The following DLEU7 variants were observed in gnomAD, a reference collection of about 807,000 sequenced individuals.
The protein encoded by DLEU7 is deleted in lymphocytic leukemia 7, also known as leukemia-associated protein 7.
In DLEU7, 17 loss-of-function variants were observed where a neutral mutation model predicts 16.0. The ratio of observed to expected loss-of-function variants is 1.06; its 90% CI spans 0.73 to 1.59. The LOEUF is 1.59. DLEU7 is among the 40% of genes most tolerant of loss of function. The probability of loss-of-function intolerance (pLI) is 0.00; values close to 1 mark genes in which losing one functional copy is unlikely to be tolerated. For synonymous variants in DLEU7, 113 were observed against 139.8 expected (o/e 0.81, Z 1.35); for missense variants, 308 against 314.9 (o/e 0.98, Z 0.17).
chr13:50,717,504 G>A (rs546931293), intron 1 of DLEU7, among the ~76,000 whole-genome samples: 17 of 151,918 alleles, frequency 1.1e-4, no homozygotes, highest in African/African-American at 3.9e-4. Flanking sequence ...TTGCAAACTG[G>A]AGTTATTCTG....
chr13:50,761,466 GA>G (rs1566242131), intron 1 of DLEU7, among the ~76,000 whole-genome samples: 1 of 152,130 alleles, frequency 6.6e-6, no homozygotes, highest in Non-Finnish European at 1.5e-5. Flanking sequence ...TTGGGGCAAG[GA>G]CATGTGGGAT....
At chr13:50,714,444 A>G (rs1566226554) in intron 1 of DLEU7, among the ~76,000 whole-genome samples, 1 of 152,222 alleles carries the variant, frequency 6.6e-6, no homozygotes, top group Admixed American at 6.5e-5. Flanking sequence ...AATACCTTTA[A>G]GTAACAGGAT....
chr13:50,742,106 T>A (rs1462024631), intron 1 of DLEU7, among the ~76,000 whole-genome samples: 1 of 152,124 alleles, frequency 6.6e-6, no homozygotes, highest in Non-Finnish European at 1.5e-5. Context: ...CTAATATTAC[T>A]TAAAATTGCT....
intron 1 of DLEU7, among the ~76,000 whole-genome samples, chr13:50,724,238 T>A (rs1873703275): frequency 6.6e-6 from 1 of 152,210 alleles, no homozygotes; most frequent in South Asian, 2.1e-4. Flanking sequence ...ATAGTTGCTA[T>A]CACTCTCCTC....
intron 1 of DLEU7, among the ~76,000 whole-genome samples, chr13:50,718,725 G>C (rs1425154423): frequency 3.9e-5 from 6 of 152,164 alleles, no homozygotes; most frequent in African/African-American, 1.4e-4. Context: ...CTTTTGATCA[G>C]TGTCAGATAA....
At chr13:50,745,287 G>A (rs1204963592) in intron 1 of DLEU7, among the ~76,000 whole-genome samples, 1 of 152,198 alleles carries the variant, frequency 6.6e-6, no homozygotes, top group Non-Finnish European at 1.5e-5. Context: ...AGGACATTAT[G>A]TTAAGTGAAA....
chr13:50,797,408 A>C (rs183260973), intron 1 of DLEU7, among the ~76,000 whole-genome samples: 1 of 152,310 alleles, frequency 6.6e-6, no homozygotes, highest in Non-Finnish European at 1.5e-5. Context: ...CAGACACGGG[A>C]GCCTTCTATT....
chr13:50,719,046 A>G (rs1442258076), intron 1 of DLEU7, among the ~76,000 whole-genome samples: 2 of 152,234 alleles, frequency 1.3e-5, no homozygotes, highest in Middle Eastern at 3.2e-3. Flanking sequence ...TCCCACTTGG[A>G]AACAAACTGG....
At position 50,779,752 on chromosome 13, in the gene DLEU7, G is replaced by A. The variant is rs145869575; in HGVS notation, c.459+63436C>T. Reference sequence around the variant, plus strand: ...GGGAAATGTAACTTTTTAGAAAACGGAAGCAGGCATATAGACTCTGCCACC... The same window carrying A: ...GGGAAATGTAACTTTTTAGAAAACGAAAGCAGGCATATAGACTCTGCCACC... On this transcript the variant is annotated intron_variant, in intron 1 of 1. Transcript: ENST00000400393. Among the ~76,000 whole-genome samples the A allele has an allele frequency of 1.3e-3, 202 of 152,272 alleles. 2 individuals are homozygous for A. The highest frequency in any genetic ancestry group is 8.9e-3 in the East Asian group (46 of 5,182).
intron 1 of DLEU7, among the ~76,000 whole-genome samples, chr13:50,769,242 G>C (rs1875221578): frequency 6.6e-6 from 1 of 152,184 alleles, no homozygotes; most frequent in South Asian, 2.1e-4. Flanking sequence ...TAGGTTGCCT[G>C]TTCACTCTGA....
chr13:50,790,467 C>T (rs973190158), intron 1 of DLEU7, among the ~76,000 whole-genome samples: 5 of 128,060 alleles, frequency 3.9e-5, no homozygotes, highest in African/African-American at 8.9e-5. Context: ...TAACACTCTC[C>T]GTTTAAGGAG....
In DLEU7 at chr13:50,843,457, C is replaced by G. The variant is rs1877751996; in HGVS notation, c.190G>C (p.Gly64Arg). 1 of 1,322,610 alleles carries G rather than the reference C, an allele frequency of 7.6e-7. No individual in the cohort carries two copies. The highest frequency in any genetic ancestry group is 9.6e-7 in the Non-Finnish European group (1 of 1,043,608). The allele number at this position is 1,322,610 out of a possible 1,614,324, so 81.9% of individuals were successfully genotyped here. Residue 64 changes from glycine (G) to arginine (R), a missense_variant, in exon 1 of 2, where the codon GGG (glycine) becomes CGG (arginine). Physicochemically the swap from Gly to Arg is moderately radical, Grantham distance 125 (BLOSUM62 -2). Coordinates refer to ENST00000504404, the MANE Select transcript of DLEU7 (RefSeq NM_001306135.2). The surrounding 1 kb of genome is among the most constrained non-coding windows in gnomAD (Gnocchi z 5.7). ...ACGCCCCCGCCCCGCTCCTCGCGCC[C>G]GGGCCCCGGCCGGGCCCGCGGCGGG... ...SGPPRARPGP[G>R]REERGGGVGT...
chr13:50,758,778 G>C (rs532469316), intron 1 of DLEU7, among the ~76,000 whole-genome samples: 2 of 152,226 alleles, frequency 1.3e-5, no homozygotes, highest in African/African-American at 4.8e-5. Flanking sequence ...GGATGAGAGA[G>C]AAGGAGAAAG....
downstream of DLEU7, chr13:50,711,688 AT>A (rs1873287856): frequency 6.6e-6 from 1 of 151,576 alleles, no homozygotes; most frequent in African/African-American, 2.4e-5. Flanking sequence ...GGGAATTAAT[AT>A]TATTAAGGAC....
chr13:50,753,647 G>T (rs1422897711), intron 1 of DLEU7, among the ~76,000 whole-genome samples: 2 of 152,112 alleles, frequency 1.3e-5, no homozygotes, highest in South Asian at 2.1e-4. Context: ...GCACTGGCCC[G>T]CAAGCACCGT....
At chr13:50,782,019 T>C (rs996490333) in intron 1 of DLEU7, among the ~76,000 whole-genome samples, 1 of 152,198 alleles carries the variant, frequency 6.6e-6, no homozygotes, top group Non-Finnish European at 1.5e-5. Context: ...GCATAGTGGC[T>C]GCCCTCTAGA....
At chr13:50,757,311 T>A (rs1874793087) in intron 1 of DLEU7, among the ~76,000 whole-genome samples, 1 of 152,220 alleles carries the variant, frequency 6.6e-6, no homozygotes, top group African/African-American at 2.4e-5. Flanking sequence ...GCAGACGAAC[T>A]AGTTGGGCTT....
At chr13:50,717,781 T>A (rs1382162531) in intron 1 of DLEU7, among the ~76,000 whole-genome samples, 3 of 152,288 alleles carry the variant, frequency 2.0e-5, no homozygotes, top group Admixed American at 6.5e-5. Flanking sequence ...AGCCAGACAC[T>A]ATGTCTCCCT....
At chr13:50,733,957 T>C (rs1873992180) in intron 1 of DLEU7, among the ~76,000 whole-genome samples, 1 of 152,206 alleles carries the variant, frequency 6.6e-6, no homozygotes, top group South Asian at 2.1e-4. Flanking sequence ...ATTCCAATGC[T>C]GAAAGCTCCA....
Sources: allele counts gnomAD v4.1 joint callset (sites outside exome capture counted in the v4.1 genomes callset), GRCh38; gene constraint gnomAD v4.1.1; non-coding constraint Gnocchi (gnomAD v3.1); transcripts MANE v1.5; gene names NCBI Gene and HGNC (gene_info 2026-07-23, HGNC 2026-07-21).